SYTL1: variants seen among roughly 807,000 people sequenced by gnomAD.
SYTL1 encodes the protein synaptotagmin like 1.
SYTL1 carries 53 observed loss-of-function variants against 74.6 expected under a neutral mutation model. The observed-to-expected ratio is 0.71, with a 90% CI of 0.57 to 0.89. The LOEUF is 0.89. SYTL1 is among the 40% of genes least tolerant of loss of function. The pLI is 0.00. For missense variants in SYTL1, 728 were observed against 768.7 expected, an observed-to-expected ratio of 0.95 and a Z score of 0.63; for synonymous variants, 329 against 324.9, an observed-to-expected ratio of 1.01 and a Z score of -0.14.
Position 27,345,364 on chromosome 1 carries a change from G to T in SYTL1, c.30G>T (p.Glu10Asp). ...CCCAGAGGGGCCACCCATCGCAAGA[G>T]GGGCTTTGGGCTCTGCCCTCCCTCC... Reference protein sequence around the residue: MPQRGHPSQEGLWALPSLPM... With the variant: MPQRGHPSQDGLWALPSLPM... Residue 10 changes from glutamate (E) to aspartate (D), a missense_variant, in exon 2 of 15, where the codon GAG (glutamate) becomes GAT (aspartate). Transcript: ENST00000616558. This position sits in a 1 kb window ranked among gnomAD's most constrained non-coding sequence, Gnocchi z 6.0. 2 of 1,543,230 alleles carry T rather than the reference G, an allele frequency of 1.3e-6. No individual in the cohort carries two copies. The highest frequency in any genetic ancestry group is 1.7e-6 in the Non-Finnish European group (2 of 1,143,426).
In SYTL1 at chr1:27,347,602, T is replaced by C. The variant is rs2015056824; in HGVS notation, c.340+33T>C. The C allele has an allele frequency of 3.1e-6, 5 of 1,609,588 alleles. No individual in the cohort carries two copies. In the African/African-American group the frequency reaches 4.0e-5, roughly 13 times the overall value. ...GAGATCCTCGGGGCAGGGCAAGCCA[T>C]GTGCCGTCCAGGGCGCTGGCTGTAT... is the stretch of plus-strand genomic sequence containing the variant. On this transcript the variant is annotated intron_variant, in intron 3 of 14. Coordinates refer to ENST00000616558, the MANE Select transcript of SYTL1 (RefSeq NM_001193308.2). The surrounding 1 kb of genome is among the most constrained non-coding windows in gnomAD (Gnocchi z 4.9).
rs564738513 is a variant in SYTL1 at position 27,346,753 on chromosome 1, C to T, written c.192-668C>T. Among the ~76,000 whole-genome samples the T allele has an allele frequency of 5.3e-5, 8 of 151,700 alleles. No homozygotes were observed. The East Asian group carries it at 1.4e-3, about 26-fold the overall frequency. On this transcript the variant is annotated intron_variant, in intron 2 of 14. Transcript: ENST00000616558. The stretch of plus-strand genomic sequence containing the variant: ...TCCAGCCCGGGCAACAGAGCAAGAC[C>T]CTGTCTCAAAAAAAAATAATAAAAT...
Position 27,351,212 on chromosome 1 carries a change from C to A in SYTL1, c.1165-46C>A, listed in dbSNP as rs745705642. The A allele has an allele frequency of 6.3e-5, 98 of 1,543,960 alleles. 1 individual carries two copies. The highest frequency in any genetic ancestry group is 5.2e-5 in the Non-Finnish European group (59 of 1,143,282). ...GTCTGCAGACCCCACCCTCCTGAGG[C>A]CCCTTTCCATTAGCCCCTGCTCCAC... is the stretch of plus-strand genomic sequence containing the variant. On this transcript the variant is annotated intron_variant, in intron 11 of 14. Coordinates refer to ENST00000616558, the MANE Select transcript of SYTL1 (RefSeq NM_001193308.2). The surrounding 1 kb of genome is among the most constrained non-coding windows in gnomAD (Gnocchi z 5.0).
chr1:27,351,175 C>A lies in SYTL1; in HGVS notation c.1165-83C>A. ...CAGGCCCCGCCGTCTCTTCTAGCCG[C>A]ACCCCATCCGGGTCTGCAGACCCCA... On this transcript the variant is annotated intron_variant, in intron 11 of 14. Coordinates refer to ENST00000616558, the MANE Select transcript of SYTL1 (RefSeq NM_001193308.2). The surrounding 1 kb of genome is among the most constrained non-coding windows in gnomAD (Gnocchi z 5.0). 6.7e-7 allele frequency: 1 copy of A among 1,484,174 alleles called. No individual in the cohort carries two copies. Among genetic ancestry groups the A allele is most frequent in the Non-Finnish European group, 9.1e-7 (1 of 1,094,902 alleles). The allele number at this position is 1,484,174 out of a possible 1,614,324, so 91.9% of individuals were successfully genotyped here. A position where few individuals can be genotyped will look rare whatever the true frequency, so the allele number is the denominator to read the frequency against.
At position 27,351,023 on chromosome 1, in the gene SYTL1, G is replaced by T. The variant is rs751473259; in HGVS notation, c.1164+71G>T. 2 of 1,557,730 alleles carry T rather than the reference G, an allele frequency of 1.3e-6. No homozygotes were observed. ...TGCATTTACCCCACCAGGCTCTCCCGCAGCCCCCTCACACCCCGCCTTCGA... is the reference window on the plus strand; with the variant it reads ...TGCATTTACCCCACCAGGCTCTCCCTCAGCCCCCTCACACCCCGCCTTCGA... On this transcript the variant is annotated intron_variant, in intron 11 of 14. Transcript: ENST00000616558. This position sits in a 1 kb window ranked among gnomAD's most constrained non-coding sequence, Gnocchi z 5.0.
Position 27,350,146 on chromosome 1 carries a change from C to A in SYTL1, c.908+14C>A. ...CCGCTCGGACCCGTGAGTGCCCCGC[C>A]GGCCAAGCGGGGCGCGGCTGTCACA... On this transcript the variant is annotated intron_variant, in intron 9 of 14. Transcript: ENST00000616558. This position sits in a 1 kb window ranked among gnomAD's most constrained non-coding sequence, Gnocchi z 6.3. The A allele has an allele frequency of 1.4e-6, 2 of 1,399,546 alleles. No homozygotes were observed. The highest frequency in any genetic ancestry group is 7.2e-5 in the Admixed American group (2 of 27,940). 86.7% of individuals were successfully genotyped at this position (1,399,546 alleles called of 1,614,324 possible).
At chr1:27,346,954 C>CA (rs1377018524) in intron 2 of SYTL1, among the ~76,000 whole-genome samples, 1 of 151,088 alleles carries the variant, frequency 6.6e-6, no homozygotes, top group Non-Finnish European at 1.5e-5. Flanking sequence ...CCCGTCTCTA[C>CA]AAAAAAATAT....
rs754390373 is a variant in SYTL1 at position 27,351,414 on chromosome 1, G to A, written c.1244-42G>A. ...TCCAGTCCCCGGGTTTGGGGGCGGT[G>A]GACTCCATCCGTGTGCGGGCCTGAG... On this transcript the variant is annotated intron_variant, in intron 12 of 14. Transcript: ENST00000616558. The surrounding 1 kb of genome is among the most constrained non-coding windows in gnomAD (Gnocchi z 5.0). 92 of 1,505,518 alleles carry A rather than the reference G, an allele frequency of 6.1e-5. No homozygotes were observed. The African/African-American group carries it at 1.0e-3, about 17-fold the overall frequency. The allele number at this position is 1,505,518 out of a possible 1,614,324, so 93.3% of individuals were successfully genotyped here. A position where few individuals can be genotyped will look rare whatever the true frequency, so the allele number is the denominator to read the frequency against.
chr1:27,351,461 G>A lies in SYTL1; in HGVS notation c.1249G>A (p.Gly417Arg). The A allele has an allele frequency of 6.5e-7, 1 of 1,538,958 alleles. No homozygotes were observed. Among genetic ancestry groups the A allele is most frequent in the Non-Finnish European group, 8.8e-7 (1 of 1,141,198 alleles). ...KYVPAGSEGA[G>R]LPPSGELHFW... The stretch of plus-strand genomic sequence containing the variant: ...TGAGCCGAGCCTCTCCGCAGGCGCA[G>A]GACTGCCCCCGAGCGGGGAGCTGCA... Residue 417 changes from glycine to arginine, a missense_variant, in exon 13 of 15, where the codon GGA becomes AGA. By Grantham distance (125) the Gly-to-Arg change is moderately radical. Transcript: ENST00000616558. The surrounding 1 kb of genome is among the most constrained non-coding windows in gnomAD (Gnocchi z 5.0).
At chr1:27,349,802 G>A (rs1235340911) in intron 8 of SYTL1, 37 bp downstream of exon 8, 2 of 1,561,868 alleles carry the variant, frequency 1.3e-6, no homozygotes, top group South Asian at 1.2e-5. Context: ...CGGCCGGGGG[G>A]TGGACCCGTT....
Position 27,351,245 on chromosome 1 carries a change from C to T in SYTL1, c.1165-13C>T, listed in dbSNP as rs2015258453. 1 of 1,552,864 alleles carries T rather than the reference C, an allele frequency of 6.4e-7. No individual in the cohort carries two copies. The highest frequency in any genetic ancestry group is 1.4e-5 in the African/African-American group (1 of 73,260). ...CATTAGCCCCTGCTCCACGATAAGC[C>T]CGCCTCTCGCAGGTCCCACCCTCTC... On this transcript the variant is annotated splice_polypyrimidine_tract_variant and intron_variant, in intron 11 of 14. Transcript: ENST00000616558. This position sits in a 1 kb window ranked among gnomAD's most constrained non-coding sequence, Gnocchi z 5.0.
chr1:27,349,479 C>G lies in SYTL1; in HGVS notation c.614C>G (p.Pro205Arg). 4 of 1,454,560 alleles carry G rather than the reference C, an allele frequency of 2.7e-6. No homozygotes were observed. The highest frequency in any genetic ancestry group is 2.9e-5 in the African/African-American group (2 of 69,564). 90.1% of individuals were successfully genotyped at this position (1,454,560 alleles called of 1,614,324 possible). The change falls in exon 7 of 15, where the codon CCG becomes CGG. Residue 205 changes from proline (P) to arginine (R), a missense_variant. Physicochemically the swap from Pro to Arg is moderately radical, Grantham distance 103 (BLOSUM62 -2). Transcript: ENST00000616558. ...CCCGCGTCGGGGGGAGAGCAGGAGC[C>G]GCGGCCCCAGCAAGCCCAGGTAGGC... ...LEPASGGEQE[P>R]RPQQAQTKAA...
In SYTL1 at chr1:27,351,121, G is replaced by A; in HGVS notation, c.1165-137G>A. 1 of 1,320,904 alleles carries A rather than the reference G, an allele frequency of 7.6e-7. No individual in the cohort carries two copies. Among genetic ancestry groups the A allele is most frequent in the Non-Finnish European group, 1.0e-6 (1 of 971,948 alleles). The allele number at this position is 1,320,904 out of a possible 1,614,324, so 81.8% of individuals were successfully genotyped here. A position where few individuals can be genotyped will look rare whatever the true frequency, so the allele number is the denominator to read the frequency against. On this transcript the variant is annotated intron_variant, in intron 11 of 14. Coordinates refer to ENST00000616558, the MANE Select transcript of SYTL1 (RefSeq NM_001193308.2). This position sits in a 1 kb window ranked among gnomAD's most constrained non-coding sequence, Gnocchi z 5.0. ...GGCCGGCCACGGCCCCTTCCCCGAGGGCGCTAGGACCCCTAGGTTCTGCCC... is the reference window on the plus strand; with the variant it reads ...GGCCGGCCACGGCCCCTTCCCCGAGAGCGCTAGGACCCCTAGGTTCTGCCC...
Position 27,347,940 on chromosome 1 carries a change from C to T in SYTL1, c.414-27C>T, listed in dbSNP as rs1193784554. The T allele has an allele frequency of 6.2e-7, 1 of 1,614,150 alleles. No homozygotes were observed. Among genetic ancestry groups the T allele is most frequent in the East Asian group, 2.2e-5 (1 of 44,882 alleles). ...CCACCAGTCACCAGGGTCCCTCCCT[C>T]TGAGAGCGTCCTCTCCCTACTCCTA... is the stretch of plus-strand genomic sequence containing the variant. On this transcript the variant is annotated intron_variant, in intron 4 of 14. Coordinates refer to ENST00000616558, the MANE Select transcript of SYTL1 (RefSeq NM_001193308.2). This position sits in a 1 kb window ranked among gnomAD's most constrained non-coding sequence, Gnocchi z 4.9.
At position 27,342,887 on chromosome 1, in the gene SYTL1, G is replaced by A. The variant is rs1339309391; in HGVS notation, c.-39+737G>A. 2.0e-5 allele frequency among the ~76,000 whole-genome samples: 3 copies of A among 152,236 alleles called. No individual in the cohort carries two copies. Among genetic ancestry groups the A allele is most frequent in the African/African-American group, 4.8e-5 (2 of 41,460 alleles). On this transcript the variant is annotated intron_variant, in intron 1 of 14. Coordinates refer to ENST00000616558, the MANE Select transcript of SYTL1 (RefSeq NM_001193308.2). The surrounding 1 kb of genome is among the most constrained non-coding windows in gnomAD (Gnocchi z 4.7). ...CACACCCCAATCCACAGGGGAGGCC[G>A]AACGTGGGCTCACACGTTGGCCACA...
rs756338148 is a variant in SYTL1 at position 27,350,400 on chromosome 1, G to T, written c.920G>T (p.Ser307Ile). Reference protein sequence around the residue: ...RRRRSDPYVKSYLLPDKQSKR... With the variant: ...RRRRSDPYVKIYLLPDKQSKR... ...TCTCACCTCCCCAGCTACGTCAAAA[G>T]CTACCTCCTCCCGGATAAGCAGAGC... The change falls in exon 10 of 15, where the codon AGC (serine) becomes ATC (isoleucine). Residue 307 changes from serine to isoleucine, a missense_variant. By Grantham distance (142) the Ser-to-Ile change is moderately radical. Transcript: ENST00000616558. The surrounding 1 kb of genome is among the most constrained non-coding windows in gnomAD (Gnocchi z 6.3). 9 of 1,614,152 alleles carry T rather than the reference G, an allele frequency of 5.6e-6. No individual in the cohort carries two copies. The highest frequency in any genetic ancestry group is 6.8e-6 in the Non-Finnish European group (8 of 1,179,984).
In SYTL1 at chr1:27,347,411, C is replaced by G; in HGVS notation, c.192-10C>G. On this transcript the variant is annotated splice_polypyrimidine_tract_variant and intron_variant, in intron 2 of 14. Transcript: ENST00000616558. The surrounding 1 kb of genome is among the most constrained non-coding windows in gnomAD (Gnocchi z 4.9). ...GAGTCATGACAGCCACACCCTCCCC[C>G]TTCCTCCAGCAAGCTCCGGGCCTCA... 1 of 1,614,008 alleles carries G rather than the reference C, an allele frequency of 6.2e-7. No individual in the cohort carries two copies. Among genetic ancestry groups the G allele is most frequent in the Non-Finnish European group, 8.5e-7 (1 of 1,180,014 alleles).
chr1:27,351,718 T>A lies in SYTL1; in HGVS notation c.1343+163T>A, dbSNP rs2015286139. 1.8e-6 allele frequency: 1 copy of A among 545,256 alleles called. No homozygotes were observed. The highest frequency in any genetic ancestry group is 3.2e-6 in the Non-Finnish European group (1 of 311,716). The allele number at this position is 545,256 out of a possible 1,614,324, so 33.8% of individuals were successfully genotyped here. On this transcript the variant is annotated intron_variant, in intron 13 of 14. Transcript: ENST00000616558. This position sits in a 1 kb window ranked among gnomAD's most constrained non-coding sequence, Gnocchi z 5.0. ...GAGCAAAGGCCTGGAGTCAGGGAAG[T>A]TGAGGACACCTTTGAGGAGCTGCAT...
Position 27,350,197 on chromosome 1 carries a change from C to A in SYTL1, c.908+65C>A, listed in dbSNP as rs1370918883. ...GCCCAGCCCACCATTCACAGGGTCT[C>A]GGCCTCCTCGTCCTCATCTTCAAAA... On this transcript the variant is annotated intron_variant, in intron 9 of 14. Coordinates refer to ENST00000616558, the MANE Select transcript of SYTL1 (RefSeq NM_001193308.2). The surrounding 1 kb of genome is among the most constrained non-coding windows in gnomAD (Gnocchi z 6.3). 1 of 1,471,270 alleles carries A rather than the reference C, an allele frequency of 6.8e-7. No individual in the cohort carries two copies. Among genetic ancestry groups the A allele is most frequent in the South Asian group, 1.4e-5 (1 of 72,924 alleles). 91.1% of individuals were successfully genotyped at this position (1,471,270 alleles called of 1,614,324 possible).
Sources: allele counts gnomAD v4.1 joint callset (sites outside exome capture counted in the v4.1 genomes callset), GRCh38; gene constraint gnomAD v4.1.1; non-coding constraint Gnocchi (gnomAD v3.1); transcripts MANE v1.5; gene names NCBI Gene and HGNC (gene_info 2026-07-23, HGNC 2026-07-21).